Variants in ZNF84 observed in about 807,000 individuals in gnomAD.
ZNF84 encodes the protein zinc finger protein HPF2.
ZNF84 carries 12 observed loss-of-function variants against 14.8 expected under a neutral mutation model. That is an observed-to-expected ratio of 0.81 (90% CI 0.52 to 1.31). The LOEUF is 1.31. ZNF84 is among the 50% of genes most tolerant of loss of function. ZNF84 has a pLI of 0.00. For missense variants in ZNF84, 859 were observed against 878.6 expected (o/e 0.98, Z 0.28); for synonymous variants, 347 against 291.1 (o/e 1.19, Z -1.96).
intron 4 of ZNF84, among the ~76,000 whole-genome samples, chr12:133,052,445 G>A (rs1471844385): frequency 1.3e-5 from 2 of 152,126 alleles, no homozygotes; most frequent in Non-Finnish European, 2.9e-5. Flanking sequence ...GGGCTCAAGT[G>A]ATCCCCCCAA....
At chr12:133,050,150 C>T (rs979703105) in intron 4 of ZNF84, among the ~76,000 whole-genome samples, 1 of 152,198 alleles carries the variant, frequency 6.6e-6, no homozygotes, top group Admixed American at 6.5e-5. Context: ...ATGGGCAAGT[C>T]AGACCATGGA....
intron 2 of ZNF84, among the ~76,000 whole-genome samples, chr12:133,047,191 T>TA (rs1340100460): frequency 6.6e-6 from 1 of 151,994 alleles, no homozygotes; most frequent in African/African-American, 2.4e-5. Flanking sequence ...TAAAGTCACC[T>TA]ATTCCAGTTT....
At chr12:133,046,309 T>G (rs1261367122) in intron 2 of ZNF84, among the ~76,000 whole-genome samples, 1 of 150,254 alleles carries the variant, frequency 6.7e-6, no homozygotes, top group Non-Finnish European at 1.5e-5. Context: ...CCTATTATCC[T>G]GTCAGACTGA....
chr12:133,046,376 T>C (rs1333197223), intron 2 of ZNF84, among the ~76,000 whole-genome samples: 1 of 92,530 alleles, frequency 1.1e-5, no homozygotes, highest in East Asian at 2.7e-4. Context: ...TTTTTTTTTT[T>C]TTTTTTTAAA....
intron 4 of ZNF84, among the ~76,000 whole-genome samples, chr12:133,051,928 C>T (rs1310581371): frequency 3.9e-5 from 6 of 152,112 alleles, no homozygotes; most frequent in African/African-American, 1.2e-4. Flanking sequence ...TATTTATTGA[C>T]TTCTTTTAAG....
At position 133,058,292 on chromosome 12, in the gene ZNF84, A is replaced by G; in HGVS notation, c.1577A>G (p.Gln526Arg). The G allele has an allele frequency of 6.2e-7, 1 of 1,614,210 alleles. No homozygotes were observed. The highest frequency in any genetic ancestry group is 8.5e-7 in the Non-Finnish European group (1 of 1,180,026). ...AGTGAATGTGGGAAAGCCTTTTGTC[A>G]GAAGTCACATCTCATATCACATCAG... Reference protein sequence around the residue: ...VCSECGKAFCQKSHLISHQRT... With the variant: ...VCSECGKAFCRKSHLISHQRT... Residue 526 changes from glutamine to arginine, a missense_variant, in exon 5 of 5, where the codon CAG (glutamine) becomes CGG (arginine). By Grantham distance (43) the Gln-to-Arg change is conservative (BLOSUM62 1). Coordinates refer to ENST00000539354, the MANE Select transcript of ZNF84 (RefSeq NM_001289971.2).
At position 133,057,980 on chromosome 12, in the gene ZNF84, A is replaced by G; in HGVS notation, c.1265A>G (p.Gln422Arg). Residue 422 changes from glutamine (Q) to arginine (R), a missense_variant, in exon 5 of 5, where the codon CAG (glutamine) becomes CGG (arginine). By Grantham distance (43) the Gln-to-Arg change is conservative. Coordinates refer to ENST00000539354, the MANE Select transcript of ZNF84 (RefSeq NM_001289971.2). ...GAGAGGTCGAGTCTCATTAATCATC[A>G]GAGAACACATACAGGAGAGAAACCT... Reference protein sequence around the residue: ...FRERSSLINHQRTHTGEKPHG... With the variant: ...FRERSSLINHRRTHTGEKPHG... 6.2e-7 allele frequency: 1 copy of G among 1,613,726 alleles called. No homozygotes were observed. The highest frequency in any genetic ancestry group is 8.5e-7 in the Non-Finnish European group (1 of 1,179,928).
Position 133,041,452 on chromosome 12 carries a change from CG to C in ZNF84, c.-15del. 1 of 1,613,890 alleles carries C rather than the reference CG, an allele frequency of 6.2e-7. No homozygotes were observed. The highest frequency in any genetic ancestry group is 1.1e-5 in the South Asian group (1 of 91,084). ...CCGATCTCAGCCTTGCTGATCATCT[CG>C]TACAGCAGCAGAAAATGACCATGTT... On this transcript the variant is annotated 5_prime_UTR_variant, in exon 2 of 5. Transcript: ENST00000539354.
intron 4 of ZNF84, among the ~76,000 whole-genome samples, chr12:133,055,083 A>G (rs1350329648): frequency 9.9e-5 from 15 of 152,184 alleles, no homozygotes; most frequent in African/African-American, 3.6e-4. Context: ...CAGTAAACAC[A>G]AATATTATGT....
intron 4 of ZNF84, 88 bp from the exon 5 acceptor site, chr12:133,056,866 C>T: frequency 1.7e-6 from 2 of 1,166,408 alleles, no homozygotes; most frequent in East Asian, 2.5e-5. Flanking sequence ...AAGCAGCCAA[C>T]CCCTCAACAT....
intron 3 of ZNF84, 200 bp downstream of exon 3, chr12:133,048,281 T>A (rs1336594910): frequency 1.7e-5 from 8 of 469,570 alleles, no homozygotes; most frequent in African/African-American, 1.6e-4. Flanking sequence ...AAGTTGTAAG[T>A]TTGTCATGCA....
chr12:133,040,003 C>T (rs1318086668), intron 1 of ZNF84, among the ~76,000 whole-genome samples: 1 of 152,096 alleles, frequency 6.6e-6, no homozygotes, highest in Non-Finnish European at 1.5e-5. Context: ...GCCACCACGC[C>T]TGGTTTATTT....
intron 4 of ZNF84, among the ~76,000 whole-genome samples, chr12:133,049,433 T>C (rs375883451): frequency 0.021 from 3,243 of 152,304 alleles, 122 homozygotes; most frequent in African/African-American, 0.075. Context: ...TTTGTGTTTT[T>C]TTCTATAGAT....
intron 1 of ZNF84, 87 bp from the exon 2 acceptor site, chr12:133,041,191 T>A (rs1228200488): frequency 8.5e-6 from 4 of 468,576 alleles, no homozygotes; most frequent in Non-Finnish European, 1.5e-5. Context: ...TGGCCTTAGA[T>A]GATCGTGAAT....
chr12:133,043,366 T>C (rs1312349103), intron 2 of ZNF84, among the ~76,000 whole-genome samples: 1 of 152,164 alleles, frequency 6.6e-6, no homozygotes, highest in Non-Finnish European at 1.5e-5. Context: ...GGTTTCACTG[T>C]GTTGCCCAGG....
At chr12:133,038,120 A>G (rs1309688477) in intron 1 of ZNF84, among the ~76,000 whole-genome samples, 7 of 151,726 alleles carry the variant, frequency 4.6e-5, no homozygotes, top group African/African-American at 1.5e-4. Flanking sequence ...TTTTTTTTGT[A>G]GACATTCTTA....
At chr12:133,052,887 A>T (rs923275236) in intron 4 of ZNF84, among the ~76,000 whole-genome samples, 2 of 152,232 alleles carry the variant, frequency 1.3e-5, no homozygotes, top group African/African-American at 2.4e-5. Context: ...AAATAACAAT[A>T]TGTGAAGTCA....
intron 2 of ZNF84, among the ~76,000 whole-genome samples, chr12:133,043,155 TC>T (rs1390733831): frequency 6.6e-6 from 1 of 152,136 alleles, no homozygotes; most frequent in East Asian, 1.9e-4. Context: ...CTGCAGTCCT[TC>T]CCCCAGTTGA....
intron 1 of ZNF84, chr12:133,038,816 C>G (rs1953835509): frequency 1.3e-5 from 2 of 151,972 alleles, no homozygotes; most frequent in South Asian, 4.2e-4. Flanking sequence ...TGTATTTTGT[C>G]AATTATGAGT....
Sources: gnomAD v4.1 joint callset for allele counts (sites outside exome capture counted in the v4.1 genomes callset) on GRCh38, gnomAD v4.1.1 for gene constraint, MANE v1.5 for transcripts, NCBI Gene and HGNC (gene_info 2026-07-23, HGNC 2026-07-21) for gene names.